The following ABHD6 variants were observed in gnomAD, a reference collection of about 807,000 sequenced individuals.
ABHD6 encodes the protein abhydrolase domain containing 6, acylglycerol lipase.
A neutral mutation model predicts 38.8 loss-of-function variants in ABHD6; 33 were observed. The observed-to-expected ratio is 0.85, with a 90% CI of 0.64 to 1.14. The LOEUF (loss-of-function observed/expected upper bound fraction) is 1.14, where lower values mean the gene tolerates loss of function less well. Among genes scored for constraint, ABHD6 ranks in the 50% most tolerant of loss-of-function variants. The pLI, the probability that ABHD6 is intolerant of heterozygous loss-of-function variation, is 0.00. For synonymous variants in ABHD6, 147 were observed against 161.6 expected, an observed-to-expected ratio of 0.91 and a Z score of 0.69; for missense variants, 380 against 422.6, an observed-to-expected ratio of 0.90 and a Z score of 0.88.
At chr3:58,241,005 C>T (rs1296475140) in intron 1 of ABHD6, among the ~76,000 whole-genome samples, 1 of 152,126 alleles carries the variant, frequency 6.6e-6, no homozygotes, top group Non-Finnish European at 1.5e-5. Flanking sequence ...GCTGGGATTG[C>T]AGATGTGAGC....
In ABHD6 at chr3:58,269,219, G is replaced by A; in HGVS notation, c.277-102G>A. 1 of 760,880 alleles carries A rather than the reference G, an allele frequency of 1.3e-6. No homozygotes were observed. The highest frequency in any genetic ancestry group is 2.3e-6 in the Non-Finnish European group (1 of 439,704). 47.1% of individuals were successfully genotyped at this position (760,880 alleles called of 1,614,324 possible). A position where few individuals can be genotyped will look rare whatever the true frequency, so the allele number is the denominator to read the frequency against. Reference sequence around the variant, plus strand: ...GTGGCCAAGACCCATACATCCCCAGGGATGGCTGTCTGGGTCACTGTACAT... The same window carrying A: ...GTGGCCAAGACCCATACATCCCCAGAGATGGCTGTCTGGGTCACTGTACAT... On this transcript the variant is annotated intron_variant, in intron 4 of 9. Coordinates refer to ENST00000478253, the MANE Select transcript of ABHD6 (RefSeq NM_001320126.2). This position sits in a 1 kb window ranked among gnomAD's most constrained non-coding sequence, Gnocchi z 4.4.
intron 7 of ABHD6, among the ~76,000 whole-genome samples, chr3:58,276,731 G>T (rs979873276): frequency 5.9e-5 from 9 of 152,076 alleles, no homozygotes; most frequent in Non-Finnish European, 1.3e-4. Flanking sequence ...TTTCTTCTAG[G>T]GTTTTTATGG....
intron 2 of ABHD6, among the ~76,000 whole-genome samples, chr3:58,255,478 T>TG (rs1316170443): frequency 4.0e-5 from 6 of 150,890 alleles, no homozygotes; most frequent in African/African-American, 1.2e-4. Flanking sequence ...TTTTTTTTTT[T>TG]TTAAAGGTTC....
chr3:58,265,946 G>C lies in ABHD6; in HGVS notation c.120-1243G>C, dbSNP rs1270059121. Among the ~76,000 whole-genome samples the C allele has an allele frequency of 6.6e-6, 1 of 152,152 alleles. No homozygotes were observed. The highest frequency in any genetic ancestry group is 2.4e-5 in the African/African-American group (1 of 41,426). On this transcript the variant is annotated intron_variant, in intron 3 of 9. Transcript: ENST00000478253. This position sits in a 1 kb window ranked among gnomAD's most constrained non-coding sequence, Gnocchi z 4.2. ...CTCTTAACAGTCCCACTTCACAATG[G>C]CAATTAAATTTCAACATGAGTTTTG...
intron 7 of ABHD6, among the ~76,000 whole-genome samples, chr3:58,278,127 G>A (rs879799876): frequency 6.6e-6 from 1 of 152,232 alleles, no homozygotes; most frequent in Non-Finnish European, 1.5e-5. Context: ...CATAAAATGA[G>A]TTAGGGAGGA....
rs2097433316 is a variant in ABHD6 at position 58,256,339 on chromosome 3, TATA to T, written c.-25-220_-25-218del. On this transcript the variant is annotated intron_variant, in intron 2 of 9. Transcript: ENST00000478253. This position sits in a 1 kb window ranked among gnomAD's most constrained non-coding sequence, Gnocchi z 4.3. Reference sequence around the variant, plus strand: ...TCACATTTGTCCCAACTATGTCCTTTATAATGTTTTTTTTTTTTACAAATCCAG... The same window carrying T: ...TCACATTTGTCCCAACTATGTCCTTTATGTTTTTTTTTTTTACAAATCCAG... Among the ~76,000 whole-genome samples, 1 of 79,410 alleles carries T rather than the reference TATA, an allele frequency of 1.3e-5. No homozygotes were observed. The highest frequency in any genetic ancestry group is 2.2e-5 in the Non-Finnish European group (1 of 45,684). The allele number at this position is 79,410 out of a possible 152,430, so 52.1% of individuals were successfully genotyped here.
intron 3 of ABHD6, among the ~76,000 whole-genome samples, chr3:58,260,457 A>G (rs1485686242): frequency 6.6e-6 from 1 of 152,238 alleles, no homozygotes; most frequent in East Asian, 1.9e-4. Flanking sequence ...CCATGATGCC[A>G]TTGCAGAGAG....
Position 58,252,359 on chromosome 3 carries a change from G to A in ABHD6, c.-26+2417G>A, listed in dbSNP as rs562131997. ...CTCCTGAGTAGCTGAGACTACAGGC[G>A]CATGCCACCATGCCCGGCTAATTTT... is the stretch of plus-strand genomic sequence containing the variant. On this transcript the variant is annotated intron_variant, in intron 2 of 9. Transcript: ENST00000478253. 4.0e-5 allele frequency among the ~76,000 whole-genome samples: 6 copies of A among 149,570 alleles called. No homozygotes were observed. The South Asian group carries it at 8.7e-4, about 22-fold the overall frequency.
At chr3:58,272,208 T>C (rs1304787435) in intron 6 of ABHD6, among the ~76,000 whole-genome samples, 1 of 152,192 alleles carries the variant, frequency 6.6e-6, no homozygotes, top group African/African-American at 2.4e-5. Context: ...GCAGTTACCA[T>C]GCAGGTCAAG....
chr3:58,247,222 C>T (rs1283816769), intron 1 of ABHD6, among the ~76,000 whole-genome samples: 2 of 151,986 alleles, frequency 1.3e-5, no homozygotes, highest in African/African-American at 4.8e-5. Context: ...AGGCTTGTCT[C>T]TAACTCCTGG....
In ABHD6 at chr3:58,293,464, C is replaced by A; in HGVS notation, c.838-125C>A. The A allele has an allele frequency of 1.0e-6, 1 of 981,694 alleles. No individual in the cohort carries two copies. The highest frequency in any genetic ancestry group is 1.5e-6 in the Non-Finnish European group (1 of 678,136). The allele number at this position is 981,694 out of a possible 1,614,324, so 60.8% of individuals were successfully genotyped here. On this transcript the variant is annotated intron_variant, in intron 9 of 9. Coordinates refer to ENST00000478253, the MANE Select transcript of ABHD6 (RefSeq NM_001320126.2). This position sits in a 1 kb window ranked among gnomAD's most constrained non-coding sequence, Gnocchi z 4.4. ...AGCCCCAACACCAAAGGGACTTGGT[C>A]CTAAAATTCACATCCTCCTGCCCCA... is the stretch of plus-strand genomic sequence containing the variant.
At position 58,271,117 on chromosome 3, in the gene ABHD6, AAG is replaced by A. The variant is rs1169190581; in HGVS notation, c.523+54_523+55del. ...GGCAGGGATGAATCCCTGAAGAAAC[AAG>A]TAGCTAGTGTCTGCTATGACCGTTT... On this transcript the variant is annotated intron_variant, in intron 6 of 9. Coordinates refer to ENST00000478253, the MANE Select transcript of ABHD6 (RefSeq NM_001320126.2). 3 of 1,535,560 alleles carry A rather than the reference AAG, an allele frequency of 2.0e-6. No homozygotes were observed. The African/African-American group carries it at 4.2e-5, about 21-fold the overall frequency.
rs532268222 is a variant in ABHD6 at position 58,293,043 on chromosome 3, T to A, written c.838-546T>A. 4.2e-4 allele frequency among the ~76,000 whole-genome samples: 64 copies of A among 152,300 alleles called. No homozygotes were observed. The highest frequency in any genetic ancestry group is 1.5e-3 in the African/African-American group (62 of 41,568). ...AAGTCACTCACCTTAACACAGCCTG[T>A]GGTTCCCCATGGTCCGTGTGGCTGT... On this transcript the variant is annotated intron_variant, in intron 9 of 9. Coordinates refer to ENST00000478253, the MANE Select transcript of ABHD6 (RefSeq NM_001320126.2). This position sits in a 1 kb window ranked among gnomAD's most constrained non-coding sequence, Gnocchi z 4.4.
chr3:58,288,984 A>G (rs1016789364), intron 9 of ABHD6, among the ~76,000 whole-genome samples: 1 of 152,120 alleles, frequency 6.6e-6, no homozygotes, highest in Admixed American at 6.5e-5. Context: ...TTGCCTCACC[A>G]TAGTTTTAGC....
rs1443511241 is a variant in ABHD6, at chr3:58,274,778, A to C, written c.644A>C (p.Gln215Pro). The C allele has an allele frequency of 1.2e-6, 2 of 1,614,110 alleles. No homozygotes were observed. The highest frequency in any genetic ancestry group is 2.7e-5 in the African/African-American group (2 of 74,950). ...STPEEMSEMLQLCSYVRFKVP... is the reference protein window; with the variant it reads ...STPEEMSEMLPLCSYVRFKVP... Reference sequence around the variant, plus strand: ...CCAGAAGAGATGAGTGAAATGCTTCAGCTCTGCTCCTATGTCCGCTTCAAG... The same window carrying C: ...CCAGAAGAGATGAGTGAAATGCTTCCGCTCTGCTCCTATGTCCGCTTCAAG... The change falls in exon 7 of 10, where the codon CAG becomes CCG. Residue 215 changes from glutamine (Q) to proline (P), a missense_variant. Physicochemically the swap from Gln to Pro is moderately conservative, Grantham distance 76. Coordinates refer to ENST00000478253, the MANE Select transcript of ABHD6 (RefSeq NM_001320126.2).
chr3:58,261,809 T>C (rs1356676680), intron 3 of ABHD6, among the ~76,000 whole-genome samples: 2 of 152,230 alleles, frequency 1.3e-5, no homozygotes, highest in Non-Finnish European at 2.9e-5. Context: ...CAGAAAGTTA[T>C]ACATTTAACG....
At chr3:58,278,548 C>T (rs1301045274) in intron 7 of ABHD6, among the ~76,000 whole-genome samples, 1 of 152,156 alleles carries the variant, frequency 6.6e-6, no homozygotes, top group African/African-American at 2.4e-5. Flanking sequence ...TTTCAAAAAA[C>T]CAGCTCCTGG....
At chr3:58,276,756 T>C (rs925307955) in intron 7 of ABHD6, among the ~76,000 whole-genome samples, 1 of 152,240 alleles carries the variant, frequency 6.6e-6, no homozygotes, top group Non-Finnish European at 1.5e-5. Context: ...AGGTCTAACA[T>C]TTAAGTCTTT....
At chr3:58,247,028 C>G (rs143065991) in intron 1 of ABHD6, among the ~76,000 whole-genome samples, 1 of 142,920 alleles carries the variant, frequency 7.0e-6, no homozygotes, top group East Asian at 2.5e-4. Context: ...TGGTTGCCGT[C>G]TCTAATGGGC....
Sources: gnomAD v4.1 joint callset for allele counts (sites outside exome capture counted in the v4.1 genomes callset) on GRCh38, gnomAD v4.1.1 for gene constraint, Gnocchi (gnomAD v3.1) non-coding constraint, MANE v1.5 for transcripts, NCBI Gene and HGNC (gene_info 2026-07-23, HGNC 2026-07-21) for gene names.